TJP1: variants seen among roughly 807,000 people sequenced by gnomAD.
TJP1 encodes tight junction protein ZO-1.
In TJP1, 43 loss-of-function variants were observed where a neutral mutation model predicts 194.2. That is an observed-to-expected ratio of 0.22 (90% CI 0.17 to 0.29). The LOEUF (loss-of-function observed/expected upper bound fraction) is 0.29, where lower values mean the gene tolerates loss of function less well. TJP1 is among the 10% of genes least tolerant of loss of function. TJP1 has a pLI of 1.00. For missense variants in TJP1, 1,971 were observed against 2,185.7 expected, an observed-to-expected ratio of 0.90 and a Z score of 1.96; for synonymous variants, 801 against 779.0, an observed-to-expected ratio of 1.03 and a Z score of -0.47.
At chr15:29,858,274 G>C (rs2051938836) in intron 2 of TJP1, among the ~76,000 whole-genome samples, 1 of 152,110 alleles carries the variant, frequency 6.6e-6, no homozygotes, top group African/African-American at 2.4e-5. Flanking sequence ...GGTGGTGCAT[G>C]CCTATGGTCC....
At chr15:29,832,625 A>G (rs2050872634) in intron 2 of TJP1, among the ~76,000 whole-genome samples, 1 of 152,206 alleles carries the variant, frequency 6.6e-6, no homozygotes, top group Non-Finnish European at 1.5e-5. Context: ...TGTCACTAGA[A>G]AATGGTATAT....
chr15:29,704,384 C>T (rs906580550), intron 26 of TJP1, 79 bp from the exon 27 acceptor site: 52 of 1,493,276 alleles, frequency 3.5e-5, no homozygotes, highest in Admixed American at 1.2e-4. Flanking sequence ...CACCCTGCTT[C>T]TAATTATATG....
At chr15:29,839,054 A>G (rs1034333154) in intron 2 of TJP1, among the ~76,000 whole-genome samples, 28 of 122,524 alleles carry the variant, frequency 2.3e-4, no homozygotes, top group African/African-American at 8.5e-4. Flanking sequence ...GCTGGAGTGC[A>G]GTGGTGCCAT....
chr15:29,813,791 T>C (rs918468823), intron 1 of TJP1, among the ~76,000 whole-genome samples: 1 of 152,214 alleles, frequency 6.6e-6, no homozygotes, highest in African/African-American at 2.4e-5. Context: ...ACCCGCACCA[T>C]TAAAATGCCC....
chr15:29,795,413 T>G (rs893744940), intron 2 of TJP1, among the ~76,000 whole-genome samples: 5 of 137,838 alleles, frequency 3.6e-5, no homozygotes, highest in African/African-American at 1.3e-4. Context: ...CAAGACTCTG[T>G]CTCAAAAAAA....
intron 2 of TJP1, among the ~76,000 whole-genome samples, chr15:29,943,519 T>C (rs1028680587): frequency 2.7e-5 from 4 of 145,796 alleles, no homozygotes; most frequent in African/African-American, 1.0e-4. Flanking sequence ...TCTCAGCTAC[T>C]CAGGAGGCTG....
chr15:29,776,495 A>G (rs1371077599), intron 2 of TJP1, among the ~76,000 whole-genome samples: 1 of 152,166 alleles, frequency 6.6e-6, no homozygotes. Flanking sequence ...ACGAAAATTC[A>G]TGTTTGACTT....
rs1324694466 is a variant in TJP1, at chr15:29,719,141, G to A, written c.3004-3C>T. ...GGATATGGATCCTTTCTATACACCTGTATAAAAAATTCACATTTAAGGACA... is the reference window on the plus strand; with the variant it reads ...GGATATGGATCCTTTCTATACACCTATATAAAAAATTCACATTTAAGGACA... On this transcript the variant is annotated splice_polypyrimidine_tract_variant and splice_region_variant and intron_variant, in intron 20 of 27. Coordinates refer to ENST00000614355, the MANE Select transcript of TJP1 (RefSeq NM_001330239.4). The A allele has an allele frequency of 1.9e-6, 3 of 1,568,414 alleles. No homozygotes were observed. Among genetic ancestry groups the A allele is most frequent in the Non-Finnish European group, 2.6e-6 (3 of 1,162,064 alleles).
intron 2 of TJP1, among the ~76,000 whole-genome samples, chr15:29,889,002 C>T (rs1467053079): frequency 2.0e-5 from 3 of 152,194 alleles, no homozygotes; most frequent in African/African-American, 7.2e-5. Context: ...TAGCCAAGGA[C>T]TCCTGCTCCC....
intron 2 of TJP1, among the ~76,000 whole-genome samples, chr15:29,930,494 C>G (rs1175751133): frequency 6.6e-6 from 1 of 152,184 alleles, no homozygotes. Context: ...ATCATCTTAA[C>G]AGGTACAGGA....
chr15:29,968,167 A>C (rs2056394515), intron 1 of TJP1: 1 of 985,344 alleles, frequency 1.0e-6, no homozygotes, highest in South Asian at 4.7e-5. Flanking sequence ...CTGACAATGC[A>C]ATAATAATTT....
At chr15:29,965,427 G>A (rs1300147173) in intron 1 of TJP1, among the ~76,000 whole-genome samples, 1 of 152,052 alleles carries the variant, frequency 6.6e-6, no homozygotes, top group East Asian at 1.9e-4. Flanking sequence ...GACCAGGCTG[G>A]TATCGACCTC....
At chr15:29,710,007 G>A (rs1452638544) in intron 24 of TJP1, among the ~76,000 whole-genome samples, 7 of 152,086 alleles carry the variant, frequency 4.6e-5, no homozygotes, top group Non-Finnish European at 7.4e-5. Flanking sequence ...TTAGCCGGGC[G>A]TGGTGGTGTG....
At chr15:29,812,551 A>T (rs2049597560) in intron 1 of TJP1, among the ~76,000 whole-genome samples, 1 of 152,110 alleles carries the variant, frequency 6.6e-6, no homozygotes, top group Non-Finnish European at 1.5e-5. Flanking sequence ...GGCTTTCATG[A>T]TTCATGCTGC....
Position 29,701,268 on chromosome 15 carries a change from C to T in TJP1, c.*327G>A, listed in dbSNP as rs960025777. 31 of 245,652 alleles carry T rather than the reference C, an allele frequency of 1.3e-4. No homozygotes were observed. The highest frequency in any genetic ancestry group is 1.2e-3 in the Admixed American group (25 of 20,200). The allele number at this position is 245,652 out of a possible 1,614,324, so 15.2% of individuals were successfully genotyped here. On this transcript the variant is annotated 3_prime_UTR_variant, in exon 28 of 28. Transcript: ENST00000614355. ...TTGGAAAGAACAGACCTCAAATGCACCCCCATTTACTGGCTGGTATTTTAA... is the reference window on the plus strand; with the variant it reads ...TTGGAAAGAACAGACCTCAAATGCATCCCCATTTACTGGCTGGTATTTTAA...
intron 2 of TJP1, among the ~76,000 whole-genome samples, chr15:29,850,793 G>T (rs1175096685): frequency 6.6e-6 from 1 of 151,612 alleles, no homozygotes; most frequent in Non-Finnish European, 1.5e-5. Flanking sequence ...ACCAGCCCGG[G>T]GGGTAACAGA....
chr15:29,750,900 A>G, intron 8 of TJP1, among the ~76,000 whole-genome samples: 1 of 152,230 alleles, frequency 6.6e-6, no homozygotes, highest in East Asian at 1.9e-4. Context: ...CTCAACCACA[A>G]TTAACAATAA....
At chr15:29,958,333 A>AGCAT (rs1021989941) in intron 1 of TJP1, among the ~76,000 whole-genome samples, 4 of 150,900 alleles carry the variant, frequency 2.7e-5, no homozygotes, top group African/African-American at 9.8e-5. Flanking sequence ...CTGGATAAGT[A>AGCAT]GCATGTAGCT....
intron 2 of TJP1, among the ~76,000 whole-genome samples, chr15:29,897,608 A>G (rs2053516659): frequency 6.6e-6 from 1 of 152,170 alleles, no homozygotes; most frequent in Non-Finnish European, 1.5e-5. Flanking sequence ...AAAGCCGCAA[A>G]CACCTGAATA....
Sources: allele counts gnomAD v4.1 joint callset (sites outside exome capture counted in the v4.1 genomes callset), GRCh38; gene constraint gnomAD v4.1.1; transcripts MANE v1.5; gene names NCBI Gene and HGNC (gene_info 2026-07-23, HGNC 2026-07-21).